Variants in TBX4 observed in about 807,000 individuals in gnomAD.
The protein encoded by TBX4 is T-box transcription factor 4, also known as T-box transcription factor TBX4.
TBX4 carries 13 observed loss-of-function variants against 54.6 expected under a neutral mutation model. The observed-to-expected ratio is 0.24, with a 90% CI of 0.15 to 0.38. The LOEUF (loss-of-function observed/expected upper bound fraction) is 0.38, where lower values mean the gene tolerates loss of function less well. Among genes scored for constraint, TBX4 ranks in the 10% least tolerant of loss-of-function variants. TBX4 has a pLI of 1.00. For synonymous variants in TBX4, 314 were observed against 306.7 expected (o/e 1.02, Z -0.25); for missense variants, 631 against 728.5 (o/e 0.87, Z 1.54).
chr17:61,469,566 T>G (rs2060561326), intron 5 of TBX4, among the ~76,000 whole-genome samples: 1 of 152,206 alleles, frequency 6.6e-6, no homozygotes, highest in African/African-American at 2.4e-5. Flanking sequence ...ACAACAGCCC[T>G]GTGGGTGTGG....
intron 5 of TBX4, among the ~76,000 whole-genome samples, chr17:61,471,514 G>A (rs1303226268): frequency 1.3e-5 from 2 of 150,352 alleles, no homozygotes; most frequent in Non-Finnish European, 2.9e-5. Flanking sequence ...CCCAGTACAG[G>A]CAACCATGGC....
chr17:61,456,520 C>A lies in TBX4; in HGVS notation c.30C>A (p.Ser10Arg). The A allele has an allele frequency of 6.4e-7, 1 of 1,567,044 alleles. No homozygotes were observed. The highest frequency in any genetic ancestry group is 1.4e-5 in the African/African-American group (1 of 74,062). Reference sequence around the variant, plus strand: ...TGCAGGATAAGGGCCTGTCCGAGAGCGAGGAGGCCTTCCGGGCCCCGGGCC... The same window carrying A: ...TGCAGGATAAGGGCCTGTCCGAGAGAGAGGAGGCCTTCCGGGCCCCGGGCC... MLQDKGLSE[S>R]EEAFRAPGPA... The change falls in exon 2 of 9, where the codon AGC becomes AGA. Residue 10 changes from serine (S) to arginine (R), a missense_variant. By Grantham distance (110) the Ser-to-Arg change is moderately radical. Around this residue, in one of 3 missense-constraint regions of TBX4, gnomAD observed 123 missense variants for 120.9 expected, o/e 1.02. Transcript: ENST00000644296.
chr17:61,457,658 G>C lies in TBX4; in HGVS notation c.281+27G>C, dbSNP rs749846449. The stretch of plus-strand genomic sequence containing the variant: ...TCAGCGCTGGGAGATTTACTTCCGG[G>C]GATGGCGGTGGGGAGCAAGGGGGGC... On this transcript the variant is annotated intron_variant, in intron 3 of 8. Transcript: ENST00000644296. This position sits in a 1 kb window ranked among gnomAD's most constrained non-coding sequence, Gnocchi z 8.2. 1 of 1,609,558 alleles carries C rather than the reference G, an allele frequency of 6.2e-7. No individual in the cohort carries two copies. The highest frequency in any genetic ancestry group is 1.1e-5 in the South Asian group (1 of 90,886).
At chr17:61,456,441 G>A (rs1306702214) in intron 1 of TBX4, 47 bp from the exon 2 acceptor site, 22 of 1,544,410 alleles carry the variant, frequency 1.4e-5, no homozygotes, top group Non-Finnish European at 1.8e-5. Flanking sequence ...GGGTCCTCTG[G>A]CGAGTGTGGA....
rs1239184815 is a variant in TBX4 at position 61,474,736 on chromosome 17, C to A, written c.550-3891C>A. ...CCATTTGGCCCCATATCCTCTGCAGCAAATATAAATGTGAAACTCTGGCAA... is the reference window on the plus strand; with the variant it reads ...CCATTTGGCCCCATATCCTCTGCAGAAAATATAAATGTGAAACTCTGGCAA... On this transcript the variant is annotated intron_variant, in intron 5 of 8. Coordinates refer to ENST00000644296, the MANE Select transcript of TBX4 (RefSeq NM_001321120.2). The surrounding 1 kb of genome is among the most constrained non-coding windows in gnomAD (Gnocchi z 4.6). Among the ~76,000 whole-genome samples the A allele has an allele frequency of 2.0e-5, 3 of 152,186 alleles. No individual in the cohort carries two copies. The highest frequency in any genetic ancestry group is 7.2e-5 in the African/African-American group (3 of 41,448).
intron 5 of TBX4, among the ~76,000 whole-genome samples, chr17:61,471,407 C>T (rs149127196): frequency 6.6e-6 from 1 of 152,310 alleles, no homozygotes; most frequent in Admixed American, 6.5e-5. Flanking sequence ...ATAGGAAATA[C>T]TTTCACAAGC....
Position 61,483,980 on chromosome 17 carries a change from C to A in TBX4, c.*464C>A, listed in dbSNP as rs1296282695. 5.9e-6 allele frequency: 1 copy of A among 170,822 alleles called. No individual in the cohort carries two copies. The highest frequency in any genetic ancestry group is 1.3e-5 in the Non-Finnish European group (1 of 78,534). The allele number at this position is 170,822 out of a possible 1,614,324, so 10.6% of individuals were successfully genotyped here. A position where few individuals can be genotyped will look rare whatever the true frequency, so the allele number is the denominator to read the frequency against. On this transcript the variant is annotated 3_prime_UTR_variant, in exon 9 of 9. Coordinates refer to ENST00000644296, the MANE Select transcript of TBX4 (RefSeq NM_001321120.2). This position sits in a 1 kb window ranked among gnomAD's most constrained non-coding sequence, Gnocchi z 6.6. ...CTGTGCACACCTTAGAGTTCCTGGC[C>A]TTCTCTTTGCAAGGGGAGCTGAGAA...
At position 61,452,809 on chromosome 17, in the gene TBX4, T is replaced by C. The variant is rs376902655; in HGVS notation, c.-4+232T>C. 3.9e-5 allele frequency: 27 copies of C among 685,078 alleles called. No homozygotes were observed. The African/African-American group carries it at 4.8e-4, about 12-fold the overall frequency. 42.4% of individuals were successfully genotyped at this position (685,078 alleles called of 1,614,324 possible). On this transcript the variant is annotated intron_variant, in intron 1 of 8. Transcript: ENST00000644296. ...CCAGTAGTTGGGGCACGAGCCCTCC[T>C]CTCTGAGTAACGCGATGAATTGGGT...
Position 61,475,958 on chromosome 17 carries a change from C to T in TBX4, c.550-2669C>T, listed in dbSNP as rs550896511. On this transcript the variant is annotated intron_variant, in intron 5 of 8. Transcript: ENST00000644296. The surrounding 1 kb of genome is among the most constrained non-coding windows in gnomAD (Gnocchi z 5.0). Reference sequence around the variant, plus strand: ...CTAGGAAATGCCTTAGAGATGATCTCGTCTTTAGTGAGCAAGCAAAGACCA... The same window carrying T: ...CTAGGAAATGCCTTAGAGATGATCTTGTCTTTAGTGAGCAAGCAAAGACCA... 3.3e-5 allele frequency among the ~76,000 whole-genome samples: 5 copies of T among 152,030 alleles called. No individual in the cohort carries two copies. Among genetic ancestry groups the T allele is most frequent in the East Asian group, 1.9e-4 (1 of 5,174 alleles).
chr17:61,464,662 G>A lies in TBX4; in HGVS notation c.282-1157G>A, dbSNP rs1298183954. 6.6e-6 allele frequency among the ~76,000 whole-genome samples: 1 copy of A among 152,154 alleles called. No individual in the cohort carries two copies. Among genetic ancestry groups the A allele is most frequent in the African/African-American group, 2.4e-5 (1 of 41,424 alleles). On this transcript the variant is annotated intron_variant, in intron 3 of 8. Transcript: ENST00000644296. This position sits in a 1 kb window ranked among gnomAD's most constrained non-coding sequence, Gnocchi z 5.8. Reference sequence around the variant, plus strand: ...CTTTGTGGAAGATCAGCTGGGGTGGGGGATGGAGTCTGAGGAGGATCGTGG... The same window carrying A: ...CTTTGTGGAAGATCAGCTGGGGTGGAGGATGGAGTCTGAGGAGGATCGTGG...
Position 61,480,222 on chromosome 17 carries a change from G to A in TBX4, c.924G>A (p.Gly308=). 6.2e-7 allele frequency: 1 copy of A among 1,614,088 alleles called. No homozygotes were observed. Among genetic ancestry groups the A allele is most frequent in the Non-Finnish European group, 8.5e-7 (1 of 1,180,012 alleles). ...QALQHYQHEN[G]AHSQLAEPQD... is the part of the protein sequence containing the mutation. ...TCCAGCACTACCAGCACGAGAACGG[G>A]GCACACTCACAGCTCGCGGAGCCGC... Residue 308 remains glycine, a synonymous_variant, in exon 8 of 9, where the codon GGG becomes GGA. Coordinates refer to ENST00000644296, the MANE Select transcript of TBX4 (RefSeq NM_001321120.2). This position sits in a 1 kb window ranked among gnomAD's most constrained non-coding sequence, Gnocchi z 6.2.
At position 61,464,755 on chromosome 17, in the gene TBX4, C is replaced by T. The variant is rs569061217; in HGVS notation, c.282-1064C>T. ...CTAGGGGAGGGAGCTGTGCCCAGAG[C>T]GTTTGTGTATGCGCTGTGCTGTTGT... On this transcript the variant is annotated intron_variant, in intron 3 of 8. Transcript: ENST00000644296. The surrounding 1 kb of genome is among the most constrained non-coding windows in gnomAD (Gnocchi z 5.8). Among the ~76,000 whole-genome samples the T allele has an allele frequency of 4.6e-5, 7 of 152,222 alleles. No individual in the cohort carries two copies. Among genetic ancestry groups the T allele is most frequent in the African/African-American group, 1.4e-4 (6 of 41,524 alleles).
rs1403054839 is a variant in TBX4, at chr17:61,484,549, T to G, written c.*1033T>G. ...AGAAATAAAGATAGTTGAAAAAAAT[T>G]TGTTTCTTCCAGTAAATTCAGCCGG... On this transcript the variant is annotated 3_prime_UTR_variant, in exon 9 of 9. Transcript: ENST00000644296. This position sits in a 1 kb window ranked among gnomAD's most constrained non-coding sequence, Gnocchi z 4.1. 1 of 152,052 alleles carries G rather than the reference T, an allele frequency of 6.6e-6. No homozygotes were observed. The highest frequency in any genetic ancestry group is 1.5e-5 in the Non-Finnish European group (1 of 68,008). The allele number at this position is 152,052 out of a possible 1,614,324, so 9.4% of individuals were successfully genotyped here. A position where few individuals can be genotyped will look rare whatever the true frequency, so the allele number is the denominator to read the frequency against.
chr17:61,467,428 G>T, intron 4 of TBX4, 82 bp from the exon 5 acceptor site: 1 of 1,560,080 alleles, frequency 6.4e-7, no homozygotes. Context: ...TGGTCAATGG[G>T]GGTTTGCTCC....
Position 61,480,307 on chromosome 17 carries a change from C to T in TBX4, c.1009C>T (p.Leu337=). ...QRDSSLFYHC[L]KRRADGTRHL... ...GGACTCAAGCCTCTTCTATCACTGCCTGAAAAGACGAGGTAGGGCTCTCCT... is the reference window on the plus strand; with the variant it reads ...GGACTCAAGCCTCTTCTATCACTGCTTGAAAAGACGAGGTAGGGCTCTCCT... Residue 337 remains leucine (L), a synonymous_variant, in exon 8 of 9, where the codon CTG becomes TTG. Transcript: ENST00000644296. This position sits in a 1 kb window ranked among gnomAD's most constrained non-coding sequence, Gnocchi z 6.2. 1 of 1,613,596 alleles carries T rather than the reference C, an allele frequency of 6.2e-7. No individual in the cohort carries two copies. Among genetic ancestry groups the T allele is most frequent in the Non-Finnish European group, 8.5e-7 (1 of 1,179,850 alleles).
In TBX4 at chr17:61,475,636, G is replaced by A. The variant is rs1281853870; in HGVS notation, c.550-2991G>A. On this transcript the variant is annotated intron_variant, in intron 5 of 8. Coordinates refer to ENST00000644296, the MANE Select transcript of TBX4 (RefSeq NM_001321120.2). The surrounding 1 kb of genome is among the most constrained non-coding windows in gnomAD (Gnocchi z 5.0). ...TGGAGGTGGATGACAGTGAGGAGGA[G>A]GGGAGTTGATGATGATACCCAGGGC... Among the ~76,000 whole-genome samples, 4 of 152,184 alleles carry A rather than the reference G, an allele frequency of 2.6e-5. 1 individual carries two copies. The highest frequency in any genetic ancestry group is 5.9e-5 in the Non-Finnish European group (4 of 68,040).
chr17:61,473,867 C>G (rs1175620258), intron 5 of TBX4, among the ~76,000 whole-genome samples: 1 of 152,224 alleles, frequency 6.6e-6, no homozygotes, highest in Non-Finnish European at 1.5e-5. Flanking sequence ...CCAGCTGTTA[C>G]TGCTGTTGCT....
chr17:61,477,973 A>G (rs1200226004), intron 5 of TBX4, among the ~76,000 whole-genome samples: 1 of 151,852 alleles, frequency 6.6e-6, no homozygotes, highest in South Asian at 2.1e-4. Flanking sequence ...AAAGAAAAAG[A>G]AAGAAAGAAA....
At chr17:61,454,043 G>A (rs1028517468) in intron 1 of TBX4, among the ~76,000 whole-genome samples, 2 of 152,178 alleles carry the variant, frequency 1.3e-5, no homozygotes, top group Non-Finnish European at 2.9e-5. Context: ...TATTATGAAT[G>A]TGCCAGGCGG....
Sources: allele counts gnomAD v4.1 joint callset (sites outside exome capture counted in the v4.1 genomes callset), GRCh38; gene constraint gnomAD v4.1.1; regional missense constraint gnomAD v4.1.1; non-coding constraint Gnocchi (gnomAD v3.1); transcripts MANE v1.5; gene names NCBI Gene and HGNC (gene_info 2026-07-23, HGNC 2026-07-21).